GPC5: variants seen among roughly 807,000 people sequenced by gnomAD.
The protein encoded by GPC5 is glypican 5.
Under a neutral mutation model 53.9 loss-of-function variants are expected in GPC5, and 47 were observed. The observed-to-expected ratio is 0.87, with a 90% CI of 0.69 to 1.11. GPC5 has a LOEUF of 1.11. Ranked by LOEUF, GPC5 falls within the 50% of genes most tolerant of loss-of-function variation. GPC5 has a pLI of 0.00. For synonymous variants in GPC5, 286 were observed against 263.3 expected (o/e 1.09, Z -0.84); for missense variants, 748 against 713.1 (o/e 1.05, Z -0.56).
At chr13:92,549,424 C>G (rs1324314868) in intron 7 of GPC5, among the ~76,000 whole-genome samples, 5 of 152,004 alleles carry the variant, frequency 3.3e-5, no homozygotes, top group Non-Finnish European at 7.4e-5. Context: ...TCAAGCAAAA[C>G]AAATTGGGGC....
intron 7 of GPC5, among the ~76,000 whole-genome samples, chr13:92,760,034 A>C (rs1293622393): frequency 2.0e-5 from 3 of 152,120 alleles, no homozygotes; most frequent in Admixed American, 6.5e-5. Flanking sequence ...TGCACATGTT[A>C]AATCTGTCTT....
intron 5 of GPC5, among the ~76,000 whole-genome samples, chr13:91,800,356 G>A (rs2038114602): frequency 6.6e-6 from 1 of 151,980 alleles, no homozygotes; most frequent in Admixed American, 6.6e-5. Flanking sequence ...CTCTCATCTA[G>A]TTTTCCTATT....
intron 1 of GPC5, among the ~76,000 whole-genome samples, chr13:91,445,834 G>A (rs1025001760): frequency 6.6e-6 from 1 of 152,176 alleles, no homozygotes; most frequent in African/African-American, 2.4e-5. Context: ...GACTGTGACT[G>A]TGGGGAACTG....
intron 2 of GPC5, among the ~76,000 whole-genome samples, chr13:91,595,840 C>T (rs547925203): frequency 6.6e-6 from 1 of 152,296 alleles, no homozygotes; most frequent in East Asian, 1.9e-4. Context: ...CTTGCTGTCC[C>T]CACCATTCTT....
In GPC5 at chr13:92,757,547, C is replaced by T. The variant is rs185841568; in HGVS notation, c.1562-108735C>T. On this transcript the variant is annotated intron_variant, in intron 7 of 7. Coordinates refer to ENST00000377067, the MANE Select transcript of GPC5 (RefSeq NM_004466.6). ...ACTACCATCAGAGTGAACAGGCAACCTACAAAATGGGAGAAAATTTTTGCA... is the reference window on the plus strand; with the variant it reads ...ACTACCATCAGAGTGAACAGGCAACTTACAAAATGGGAGAAAATTTTTGCA... Among the ~76,000 whole-genome samples the T allele has an allele frequency of 8.4e-3, 1,271 of 152,106 alleles. 17 individuals are homozygous for T. The highest frequency in any genetic ancestry group is 0.029 in the African/African-American group (1,219 of 41,484).
intron 7 of GPC5, among the ~76,000 whole-genome samples, chr13:92,436,708 T>C (rs912650454): frequency 6.6e-6 from 1 of 152,196 alleles, no homozygotes; most frequent in African/African-American, 2.4e-5. Flanking sequence ...GAACGTTTAG[T>C]ATTTAATTCA....
rs1566403212 is a variant in GPC5 at position 92,031,752 on chromosome 13, T to TATATTACATATTATATATAATATGTAA, written c.1402-113078_1402-113077insATATTACATATTATATATAATATGTAA. Among the ~76,000 whole-genome samples, 32 of 43,730 alleles carry TATATTACATATTATATATAATATGTAA rather than the reference T, an allele frequency of 7.3e-4. 4 individuals carry two copies. The highest frequency in any genetic ancestry group is 3.6e-3 in the African/African-American group (28 of 7,738). 28.7% of individuals were successfully genotyped at this position (43,730 alleles called of 152,430 possible). Reference sequence around the variant, plus strand: ...TATTACATATTATATATAATATATATTATATTACATATTATATATAATATA... The same window carrying TATATTACATATTATATATAATATGTAA: ...TATTACATATTATATATAATATATATATATTACATATTATATATAATATGTAATATATTACATATTATATATAATATA... On this transcript the variant is annotated intron_variant, in intron 6 of 7. Transcript: ENST00000377067.
At chr13:92,823,376 C>T in intron 7 of GPC5, among the ~76,000 whole-genome samples, 1 of 151,958 alleles carries the variant, frequency 6.6e-6, no homozygotes, top group Non-Finnish European at 1.5e-5. Flanking sequence ...TACAACTTAT[C>T]AGTGTAATTA....
intron 7 of GPC5, among the ~76,000 whole-genome samples, chr13:92,323,407 T>G (rs1038214533): frequency 2.0e-5 from 3 of 150,998 alleles, no homozygotes; most frequent in Non-Finnish European, 3.0e-5. Context: ...TGTATATGTA[T>G]TTTTCGTAAA....
At chr13:92,052,156 A>G (rs75375726) in intron 6 of GPC5, among the ~76,000 whole-genome samples, 7,704 of 152,218 alleles carry the variant, frequency 0.051, 216 homozygotes, top group African/African-American at 0.059. Flanking sequence ...TAATAGTGTT[A>G]GAGATATGTG....
At chr13:92,283,287 A>G (rs1304059625) in intron 7 of GPC5, among the ~76,000 whole-genome samples, 1 of 152,202 alleles carries the variant, frequency 6.6e-6, no homozygotes. Flanking sequence ...CCACACAATA[A>G]TAATGTGAGA....
chr13:92,834,856 A>T (rs1878171223), intron 7 of GPC5, among the ~76,000 whole-genome samples: 1 of 152,134 alleles, frequency 6.6e-6, no homozygotes, highest in African/African-American at 2.4e-5. Flanking sequence ...AAAAGTTGAC[A>T]AGAATCGAAC....
intron 7 of GPC5, among the ~76,000 whole-genome samples, chr13:92,418,920 A>C (rs1331332841): frequency 6.6e-6 from 1 of 152,196 alleles, no homozygotes; most frequent in Non-Finnish European, 1.5e-5. Flanking sequence ...GGAAAATATC[A>C]ACCCACCTTA....
At chr13:92,589,770 C>T (rs948188083) in intron 7 of GPC5, among the ~76,000 whole-genome samples, 7 of 152,204 alleles carry the variant, frequency 4.6e-5, no homozygotes, top group Admixed American at 4.6e-4. Flanking sequence ...ACATAGGATT[C>T]AGAGTTAGTA....
intron 3 of GPC5, among the ~76,000 whole-genome samples, chr13:91,717,987 T>A (rs890200819): frequency 6.6e-6 from 1 of 152,240 alleles, no homozygotes; most frequent in Non-Finnish European, 1.5e-5. Flanking sequence ...TTATTATTTT[T>A]AAAAAATTGC....
At chr13:92,640,154 A>T (rs1401012835) in intron 7 of GPC5, among the ~76,000 whole-genome samples, 1 of 151,666 alleles carries the variant, frequency 6.6e-6, no homozygotes, top group East Asian at 1.9e-4. Context: ...GTGTGTATGT[A>T]TGTGTATATA....
At chr13:91,923,847 T>C (rs1000618483) in intron 6 of GPC5, among the ~76,000 whole-genome samples, 2 of 152,140 alleles carry the variant, frequency 1.3e-5, no homozygotes, top group Non-Finnish European at 2.9e-5. Flanking sequence ...CTCTTAGCCT[T>C]ATAAAAGCAA....
At chr13:91,601,173 A>G (rs2033168918) in intron 2 of GPC5, among the ~76,000 whole-genome samples, 1 of 152,198 alleles carries the variant, frequency 6.6e-6, no homozygotes. Flanking sequence ...TATTTTTTAA[A>G]AACAACCAAT....
Position 92,143,958 on chromosome 13 carries a change from T to G in GPC5, c.1402-872T>G, listed in dbSNP as rs145434852. On this transcript the variant is annotated intron_variant, in intron 6 of 7. Transcript: ENST00000377067. ...GTTGTACATTTTTTTCATAATATAC[T>G]AGTACCCTCTAGTGCTCACACTTGG... Among the ~76,000 whole-genome samples the G allele has an allele frequency of 2.6e-3, 395 of 152,260 alleles. 3 individuals are homozygous for G. Among genetic ancestry groups the G allele is most frequent in the African/African-American group, 8.1e-3 (338 of 41,566 alleles).
Sources: gnomAD v4.1 joint callset for allele counts (sites outside exome capture counted in the v4.1 genomes callset) on GRCh38, gnomAD v4.1.1 for gene constraint, MANE v1.5 for transcripts, NCBI Gene and HGNC (gene_info 2026-07-23, HGNC 2026-07-21) for gene names.